Variants in VPS53 observed in about 807,000 individuals in gnomAD.
VPS53 encodes vacuolar protein sorting-associated protein 53 homolog.
VPS53 carries 70 observed loss-of-function variants against 107.0 expected under a neutral mutation model. That is an observed-to-expected ratio of 0.65 (90% CI 0.54 to 0.80). The LOEUF (loss-of-function observed/expected upper bound fraction) is 0.80, where lower values mean the gene tolerates loss of function less well. VPS53 is among the 30% of genes least tolerant of loss of function. The pLI is 0.00. For synonymous variants in VPS53, 409 were observed against 393.3 expected (o/e 1.04, Z -0.47); for missense variants, 917 against 1,049.4 (o/e 0.87, Z 1.74).
chr17:670,700 C>T (rs1287995821), intron 4 of VPS53, among the ~76,000 whole-genome samples: 1 of 152,164 alleles, frequency 6.6e-6, no homozygotes, highest in African/African-American at 2.4e-5. Flanking sequence ...TCCTGTGAGT[C>T]CGCAGGCAGC....
At chr17:618,296 G>A (rs8073273) in intron 11 of VPS53, among the ~76,000 whole-genome samples, 21 of 80,356 alleles carry the variant, frequency 2.6e-4, no homozygotes, top group South Asian at 5.8e-4. Flanking sequence ...GACTACAGGC[G>A]TGCGCCACCA....
At chr17:563,419 C>A (rs1466981337) in intron 13 of VPS53, among the ~76,000 whole-genome samples, 2 of 151,834 alleles carry the variant, frequency 1.3e-5, no homozygotes, top group African/African-American at 4.8e-5. Flanking sequence ...CGTCAGCCTC[C>A]CATGTAGCTG....
At chr17:688,346 G>T (rs949794138) in intron 4 of VPS53, among the ~76,000 whole-genome samples, 1 of 152,152 alleles carries the variant, frequency 6.6e-6, no homozygotes, top group South Asian at 2.1e-4. Context: ...AGAAGGATGG[G>T]TTTGCTTCCC....
rs1597344644 is a variant in VPS53 at position 586,473 on chromosome 17, G to A, written c.1219-109C>T. 2.0e-5 allele frequency: 21 copies of A among 1,076,302 alleles called. No individual in the cohort carries two copies. In the South Asian group the frequency reaches 2.5e-4, roughly 13 times the overall value. 66.7% of individuals were successfully genotyped at this position (1,076,302 alleles called of 1,614,324 possible). On this transcript the variant is annotated intron_variant, in intron 12 of 21. Coordinates refer to ENST00000437048, the MANE Select transcript of VPS53 (RefSeq NM_001128159.3). ...GTTCATTCCTAAGTCACAGATAAGA[G>A]AGTACTCAATGTAACCCAATACGAT...
chr17:588,903 T>C (rs1967480597), intron 12 of VPS53, among the ~76,000 whole-genome samples: 1 of 152,214 alleles, frequency 6.6e-6, no homozygotes, highest in Non-Finnish European at 1.5e-5. Flanking sequence ...TCCTGTTTAT[T>C]CCAAGTCAGT....
chr17:676,990 G>C (rs1972191646), intron 4 of VPS53, among the ~76,000 whole-genome samples: 1 of 152,120 alleles, frequency 6.6e-6, no homozygotes, highest in Non-Finnish European at 1.5e-5. Flanking sequence ...TGAGTCTATG[G>C]AAAGAATGAA....
At chr17:523,331 C>T (rs1908889103) in intron 19 of VPS53, 2 of 152,466 alleles carry the variant, frequency 1.3e-5, no homozygotes, top group Admixed American at 1.3e-4. Context: ...AATGCCACCA[C>T]TCAACTCCGG....
chr17:543,656 AAGAT>A (rs1177078529), intron 17 of VPS53, among the ~76,000 whole-genome samples: 1 of 151,696 alleles, frequency 6.6e-6, no homozygotes, highest in Non-Finnish European at 1.5e-5. Flanking sequence ...TTAAATCTAA[AAGAT>A]AGAATCCTTT....
At chr17:556,702 C>T (rs922564059) in intron 15 of VPS53, among the ~76,000 whole-genome samples, 5 of 152,116 alleles carry the variant, frequency 3.3e-5, no homozygotes, top group Non-Finnish European at 4.4e-5. Context: ...GCACTTATTA[C>T]GTACCAGGCA....
chr17:629,806 AAACCACAC>A (rs1969870007), intron 8 of VPS53, among the ~76,000 whole-genome samples: 1 of 80,156 alleles, frequency 1.2e-5, no homozygotes, highest in East Asian at 3.3e-4. Context: ...AACAAAAAAA[AAACCACAC>A]ACACACACAC....
chr17:541,110 G>A (rs1435478855), intron 17 of VPS53, among the ~76,000 whole-genome samples: 1 of 152,210 alleles, frequency 6.6e-6, no homozygotes, highest in Non-Finnish European at 1.5e-5. Context: ...GAACATTTCA[G>A]GCAACTGAAG....
chr17:706,819 G>C (rs903138836), intron 2 of VPS53, among the ~76,000 whole-genome samples: 1 of 152,084 alleles, frequency 6.6e-6, no homozygotes, highest in African/African-American at 2.4e-5. Flanking sequence ...ATAGCTCTCA[G>C]ATCTGGTTCT....
intron 7 of VPS53, among the ~76,000 whole-genome samples, chr17:651,574 G>C (rs868235): frequency 0.23 from 35,577 of 152,134 alleles, 4,370 homozygotes; most frequent in Admixed American, 0.32. Context: ...CTGGGTGACA[G>C]AGTGAGACCC....
At chr17:620,678 AT>A (rs67264596) in intron 11 of VPS53, among the ~76,000 whole-genome samples, 230 of 140,146 alleles carry the variant, frequency 1.6e-3, no homozygotes, top group Middle Eastern at 3.7e-3. Flanking sequence ...TCTACATTCT[AT>A]TTTTTTTTTT....
chr17:614,880 G>A (rs7218543), intron 11 of VPS53, among the ~76,000 whole-genome samples: 140,411 of 152,252 alleles, frequency 0.92, 64,976 homozygotes, highest in Middle Eastern at 0.96. Context: ...AACTTATGCA[G>A]TGGTCAAGAG....
intron 2 of VPS53, among the ~76,000 whole-genome samples, chr17:707,794 G>A (rs890028783): frequency 1.0e-4 from 15 of 149,512 alleles, no homozygotes; most frequent in Non-Finnish European, 1.9e-4. Context: ...CACAGTTACT[G>A]TGATTGTGCC....
rs867083381 is a variant in VPS53, at chr17:661,758, A to C, written c.372+51T>G. 2.0e-6 allele frequency: 3 copies of C among 1,512,126 alleles called. No homozygotes were observed. In the Middle Eastern group the frequency reaches 5.1e-4, roughly 257 times the overall value. 93.7% of individuals were successfully genotyped at this position (1,512,126 alleles called of 1,614,324 possible). On this transcript the variant is annotated intron_variant, in intron 5 of 21. Transcript: ENST00000437048. ...TCATTATTAGAATGCCTAGATGAGA[A>C]GCTCACTTCCTCTTTTGGTGCAAAA... is the stretch of plus-strand genomic sequence containing the variant.
At chr17:621,580 T>A (rs963345292) in intron 11 of VPS53, among the ~76,000 whole-genome samples, 1 of 152,258 alleles carries the variant, frequency 6.6e-6, no homozygotes, top group Non-Finnish European at 1.5e-5. Context: ...TCTTGTAATT[T>A]TTTTCTGTTT....
At chr17:632,006 G>A (rs997001152) in intron 7 of VPS53, among the ~76,000 whole-genome samples, 23 of 152,156 alleles carry the variant, frequency 1.5e-4, no homozygotes, top group African/African-American at 5.6e-4. Context: ...CCCAGCATGT[G>A]GGAAGCTGAC....
Sources: allele counts gnomAD v4.1 joint callset (sites outside exome capture counted in the v4.1 genomes callset), GRCh38; gene constraint gnomAD v4.1.1; transcripts MANE v1.5; gene names NCBI Gene and HGNC (gene_info 2026-07-23, HGNC 2026-07-21).